The following MAP7 variants were observed in gnomAD, a reference collection of about 807,000 sequenced individuals.
MAP7 encodes ensconsin.
In MAP7, 52 loss-of-function variants were observed where a neutral mutation model predicts 94.8. The ratio of observed to expected loss-of-function variants is 0.55; its 90% confidence interval spans 0.44 to 0.69. The LOEUF is 0.69. Among genes scored for constraint, MAP7 ranks in the 30% least tolerant of loss-of-function variants. The pLI, the probability that MAP7 is intolerant of heterozygous loss-of-function variation, is 0.00. For synonymous variants in MAP7, 350 were observed against 357.0 expected (o/e 0.98, Z 0.22); for missense variants, 940 against 964.6 (o/e 0.97, Z 0.34).
chr6:136,404,821 G>A (rs1785122867), intron 3 of MAP7, among the ~76,000 whole-genome samples: 1 of 152,192 alleles, frequency 6.6e-6, no homozygotes, highest in Admixed American at 6.5e-5. Flanking sequence ...GTAGAGTACT[G>A]TTTGTGTGCT....
rs758752026 is a variant in MAP7, at chr6:136,377,866, G to A, written c.640C>T (p.Arg214Cys). 6.8e-6 allele frequency: 11 copies of A among 1,610,178 alleles called. No homozygotes were observed. The highest frequency in any genetic ancestry group is 5.0e-5 in the Admixed American group (3 of 60,004). Residue 214 changes from arginine (R) to cysteine (C), a missense_variant and splice_region_variant, in exon 7 of 18, where the codon CGC becomes TGC. Arg to Cys is a radical substitution (Grantham distance 180). Coordinates refer to ENST00000354570, the MANE Select transcript of MAP7 (RefSeq NM_003980.6). ...TCCCATGGGCTGAGCTGCAGGCGGC[G>A]AGCTAAACGTCACCACATAAGCAAG... The part of the protein sequence containing the change: ...ATLLNSPDRA[R>C]RLQLSPWESS...
In MAP7 at chr6:136,366,339, C is replaced by T. The variant is rs747862616; in HGVS notation, c.977G>A (p.Arg326His). The T allele has an allele frequency of 4.4e-5, 71 of 1,613,692 alleles. No individual in the cohort carries two copies. Among genetic ancestry groups the T allele is most frequent in the Non-Finnish European group, 5.6e-5 (66 of 1,179,734 alleles). ...ATATTTCACTTACCAAAGTCGGGAG[C>T]GAGCTGGTTGTCTTGCTTTGGGATT... The part of the protein sequence containing the change: ...PSNPKARQPA[R>H]SRLWLPSKSL... The change falls in exon 9 of 18, where the codon CGC (arginine) becomes CAC (histidine). Residue 326 changes from arginine to histidine, a missense_variant. By Grantham distance (29) the Arg-to-His change is conservative (BLOSUM62 0). Transcript: ENST00000354570.
intron 1 of MAP7, among the ~76,000 whole-genome samples, chr6:136,523,772 G>A (rs1442578859): frequency 6.6e-6 from 1 of 152,070 alleles, no homozygotes; most frequent in Non-Finnish European, 1.5e-5. Context: ...ATGGTAGGGG[G>A]TCAGAAACTC....
intron 3 of MAP7, among the ~76,000 whole-genome samples, chr6:136,389,904 T>G (rs1258712202): frequency 6.6e-6 from 1 of 152,148 alleles, no homozygotes; most frequent in Non-Finnish European, 1.5e-5. Context: ...ATGACTACAT[T>G]TTTTCCAACA....
chr6:136,540,621 T>C (rs1187117968), intron 1 of MAP7, among the ~76,000 whole-genome samples: 1 of 152,140 alleles, frequency 6.6e-6, no homozygotes, highest in Non-Finnish European at 1.5e-5. Context: ...CTCACTAGAC[T>C]TAGGGCAATT....
chr6:136,550,208 G>A lies in MAP7; in HGVS notation c.67+134C>T. The A allele has an allele frequency of 3.1e-6, 2 of 635,208 alleles. No homozygotes were observed. Among genetic ancestry groups the A allele is most frequent in the Admixed American group, 4.9e-5 (1 of 20,250 alleles). The allele number at this position is 635,208 out of a possible 1,614,324, so 39.3% of individuals were successfully genotyped here. On this transcript the variant is annotated intron_variant, in intron 1 of 17. Coordinates refer to ENST00000354570, the MANE Select transcript of MAP7 (RefSeq NM_003980.6). This position sits in a 1 kb window ranked among gnomAD's most constrained non-coding sequence, Gnocchi z 5.1. ...CGGAGCAGGGTGCGCGGCGCGCAGG[G>A]CCGGTTGTTCCGGGCCGCGGCCGCG...
chr6:136,344,691 G>A (rs1787210371), intron 17 of MAP7, among the ~76,000 whole-genome samples: 1 of 152,184 alleles, frequency 6.6e-6, no homozygotes, highest in African/African-American at 2.4e-5. Context: ...TAGTCGGATT[G>A]TTCCCAAAGG....
At position 136,402,905 on chromosome 6, in the gene MAP7, C is replaced by CAAAAAAAAAAAAAAAAA. The variant is rs57114676; in HGVS notation, c.244+8698_244+8714dup. Among the ~76,000 whole-genome samples, 38 of 67,392 alleles carry CAAAAAAAAAAAAAAAAA rather than the reference C, an allele frequency of 5.6e-4. 1 individual carries two copies. The highest frequency in any genetic ancestry group is 7.7e-4 in the Non-Finnish European group (30 of 39,120). The allele number at this position is 67,392 out of a possible 152,430, so 44.2% of individuals were successfully genotyped here. The stretch of plus-strand genomic sequence containing the variant: ...TGGGCGAAAGAGCAAGACTCTGTCT[C>CAAAAAAAAAAAAAAAAA]AAAAAAAAAAAAAAAAAAAAAAAAA... On this transcript the variant is annotated intron_variant, in intron 3 of 17. Transcript: ENST00000354570.
chr6:136,537,091 A>G (rs903087418), intron 1 of MAP7, among the ~76,000 whole-genome samples: 10 of 151,900 alleles, frequency 6.6e-5, no homozygotes, highest in Middle Eastern at 3.4e-3. Context: ...CTCATCACAT[A>G]TATGGTTTAG....
chr6:136,415,590 C>A (rs1789124978), intron 2 of MAP7, among the ~76,000 whole-genome samples: 1 of 152,192 alleles, frequency 6.6e-6, no homozygotes, highest in African/African-American at 2.4e-5. Context: ...ATGCTTCCCC[C>A]TGTGAAGTGC....
chr6:136,423,782 G>GTTTTTTTTTTTT (rs60134746), intron 1 of MAP7, among the ~76,000 whole-genome samples: 1 of 136,128 alleles, frequency 7.3e-6, no homozygotes, highest in African/African-American at 2.9e-5. Context: ...AGGGAGTTGT[G>GTTTTTTTTTTTT]TTTTTTTTTT....
intron 1 of MAP7, among the ~76,000 whole-genome samples, chr6:136,489,558 C>T (rs1475844218): frequency 2.3e-5 from 3 of 128,690 alleles, no homozygotes; most frequent in Non-Finnish European, 4.7e-5. Flanking sequence ...GGCAGACTCT[C>T]GCTCTGTCAC....
intron 1 of MAP7, among the ~76,000 whole-genome samples, chr6:136,483,211 A>T (rs528366254): frequency 1.9e-3 from 285 of 152,154 alleles, no homozygotes; most frequent in Middle Eastern, 6.8e-3. Flanking sequence ...GAACAGCATC[A>T]TGTCCTCTGC....
intron 1 of MAP7, among the ~76,000 whole-genome samples, chr6:136,548,094 A>AC (rs1829870480): frequency 1.3e-4 from 7 of 54,460 alleles, no homozygotes; most frequent in Admixed American, 2.0e-4. Flanking sequence ...ACCCACCACC[A>AC]CCACCCCCCC....
Position 136,362,637 on chromosome 6 carries a change from G to A in MAP7, c.1339C>T (p.Pro447Ser). 6.2e-7 allele frequency: 1 copy of A among 1,611,322 alleles called. No individual in the cohort carries two copies. The highest frequency in any genetic ancestry group is 8.5e-7 in the Non-Finnish European group (1 of 1,178,812). ...GAGACCATGGCTGGGGTGGGGACCG[G>A]GGCTGGAGCTGGGGCCGAGGCTGGA... ...PAPASAPAPA[P>S]VPTPAMVSAP... Residue 447 changes from proline to serine, a missense_variant, in exon 11 of 18, where the codon CCG becomes TCG. Coordinates refer to ENST00000354570, the MANE Select transcript of MAP7 (RefSeq NM_003980.6).
At chr6:136,542,882 CT>C (rs1829441778) in intron 1 of MAP7, among the ~76,000 whole-genome samples, 1 of 152,152 alleles carries the variant, frequency 6.6e-6, no homozygotes, top group Non-Finnish European at 1.5e-5. Flanking sequence ...CACTATTTTA[CT>C]TTGAGGTGAT....
At chr6:136,399,093 A>C (rs1208653218) in intron 3 of MAP7, among the ~76,000 whole-genome samples, 1 of 152,230 alleles carries the variant, frequency 6.6e-6, no homozygotes, top group East Asian at 1.9e-4. Context: ...GATTTTGGGT[A>C]ACACTGGCTA....
intron 16 of MAP7, among the ~76,000 whole-genome samples, chr6:136,349,690 T>C (rs1172658168): frequency 2.6e-5 from 4 of 152,186 alleles, no homozygotes; most frequent in Non-Finnish European, 5.9e-5. Context: ...TATTTCTGTA[T>C]ACCTTTAAAA....
At chr6:136,453,325 C>T (rs1801763898) in intron 1 of MAP7, among the ~76,000 whole-genome samples, 2 of 152,146 alleles carry the variant, frequency 1.3e-5, no homozygotes, top group Non-Finnish European at 2.9e-5. Context: ...CAGTGTATTT[C>T]AACAAAGCTT....
Sources: allele counts gnomAD v4.1 joint callset (sites outside exome capture counted in the v4.1 genomes callset), GRCh38; gene constraint gnomAD v4.1.1; non-coding constraint Gnocchi (gnomAD v3.1); transcripts MANE v1.5; gene names NCBI Gene and HGNC (gene_info 2026-07-23, HGNC 2026-07-21).